Variants in SPDYE3 observed in about 807,000 individuals in gnomAD.
The protein encoded by SPDYE3 is speedy protein E3.
Under a neutral mutation model 55.0 loss-of-function variants are expected in SPDYE3, and 15 were observed. The ratio of observed to expected loss-of-function variants is 0.27; its 90% CI spans 0.18 to 0.42. The LOEUF (loss-of-function observed/expected upper bound fraction) is 0.42, where lower values mean the gene tolerates loss of function less well. SPDYE3 is among the 10% of genes least tolerant of loss of function. SPDYE3 has a pLI of 1.00. For missense variants in SPDYE3, 236 were observed against 576.7 expected (o/e 0.41, Z 6.05); for synonymous variants, 89 against 229.9 (o/e 0.39, Z 5.55).
chr7:100,310,195 G>A (rs1805925991), intron 2 of SPDYE3, among the ~76,000 whole-genome samples, 165 bp from the exon 3 acceptor site: 1 of 134,070 alleles, frequency 7.5e-6, no homozygotes, highest in African/African-American at 2.7e-5. Context: ...GGGAGGGGAA[G>A]GAGTGGCACA....
At position 100,319,747 on chromosome 7, in the gene SPDYE3, G is replaced by A. The variant is rs370742497; in HGVS notation, c.1529G>A (p.Arg510Gln). The A allele has an allele frequency of 2.2e-5, 36 of 1,614,070 alleles. No homozygotes were observed. The highest frequency in any genetic ancestry group is 2.7e-5 in the Non-Finnish European group (32 of 1,180,044). The stretch of plus-strand genomic sequence containing the variant: ...CAGATAGCCTTGTTCCAGAAGCGTC[G>A]GTTCCAGTTCTTCTGTTCCATGCGC... ...CSQIALFQKR[R>Q]FQFFCSMRCR... Residue 510 changes from arginine to glutamine, a missense_variant, in exon 9 of 11, where the codon CGG (arginine) becomes CAG (glutamine). Arg to Gln is a conservative substitution (Grantham distance 43). Coordinates refer to ENST00000332397, the MANE Select transcript of SPDYE3 (RefSeq NM_001004351.5).
In SPDYE3 at chr7:100,313,179, G is replaced by A; in HGVS notation, c.803G>A (p.Gly268Asp). 1 of 1,073,938 alleles carries A rather than the reference G, an allele frequency of 9.3e-7. No homozygotes were observed. Among genetic ancestry groups the A allele is most frequent in the Non-Finnish European group, 1.3e-6 (1 of 760,940 alleles). 66.5% of individuals were successfully genotyped at this position (1,073,938 alleles called of 1,614,324 possible). A position where few individuals can be genotyped will look rare whatever the true frequency, so the allele number is the denominator to read the frequency against. Residue 268 changes from glycine to aspartate, a missense_variant, in exon 5 of 11, where the codon GGC becomes GAC. Physicochemically the swap from Gly to Asp is moderately conservative, Grantham distance 94 (BLOSUM62 -1). Transcript: ENST00000332397. ...CCCAGCCCCCCACGTAGGTCCCTTG[G>A]CTGCAAAAGGAAGAGGGAGTGTTTG... Reference protein sequence around the residue: ...VDPSPPRRSLGCKRKRECLDE... With the variant: ...VDPSPPRRSLDCKRKRECLDE...
intron 4 of SPDYE3, among the ~76,000 whole-genome samples, 154 bp from the exon 5 acceptor site, chr7:100,312,986 T>G (rs1167267184): frequency 6.9e-6 from 1 of 143,970 alleles, no homozygotes; most frequent in African/African-American, 2.6e-5. Flanking sequence ...GAGTGGCACA[T>G]GGGGTTGAGC....
chr7:100,319,780 C>G lies in SPDYE3; in HGVS notation c.1562C>G (p.Ala521Gly), dbSNP rs778924634. ...FQFFCSMRCR[A>G]WVSPEELEEI... ...TTCTTCTGTTCCATGCGCTGCAGGG[C>G]TTGGGTTTCCCCGGAGGAGTTGGAG... Residue 521 changes from alanine to glycine, a missense_variant, in exon 9 of 11, where the codon GCT becomes GGT. Transcript: ENST00000332397. 6.2e-7 allele frequency: 1 copy of G among 1,607,156 alleles called. No homozygotes were observed. The highest frequency in any genetic ancestry group is 8.5e-7 in the Non-Finnish European group (1 of 1,176,590).
intron 8 of SPDYE3, among the ~76,000 whole-genome samples, chr7:100,317,973 C>T (rs867893334): frequency 3.0e-4 from 34 of 114,246 alleles, no homozygotes; most frequent in African/African-American, 1.2e-3. Flanking sequence ...GAGACTCCGT[C>T]TCAAAAAAAA....
In SPDYE3 at chr7:100,308,111, C is replaced by A; in HGVS notation, c.106+120C>A. The A allele has an allele frequency of 2.3e-6, 3 of 1,310,922 alleles. No homozygotes were observed. In the East Asian group the frequency reaches 9.8e-5, roughly 43 times the overall value. 81.2% of individuals were successfully genotyped at this position (1,310,922 alleles called of 1,614,324 possible). On this transcript the variant is annotated intron_variant, in intron 1 of 10. Coordinates refer to ENST00000332397, the MANE Select transcript of SPDYE3 (RefSeq NM_001004351.5). ...TTGGGAGGCCGAGGCGGGCAGATCA[C>A]CTGAGGTCAGCAGTTCAAGACCAGC...
rs1019191478 is a variant in SPDYE3, at chr7:100,318,472, C to A, written c.1347-1093C>A. Among the ~76,000 whole-genome samples, 7 of 152,272 alleles carry A rather than the reference C, an allele frequency of 4.6e-5. No homozygotes were observed. In the East Asian group the frequency reaches 1.4e-3, roughly 29 times the overall value. ...AATGCCCTCCACTTGACTTTGCATT[C>A]GTGTTTTCTGTCTGGGTGTCCCACA... On this transcript the variant is annotated intron_variant, in intron 8 of 10. Coordinates refer to ENST00000332397, the MANE Select transcript of SPDYE3 (RefSeq NM_001004351.5).
At chr7:100,318,059 G>A (rs569918890) in intron 8 of SPDYE3, among the ~76,000 whole-genome samples, 6 of 151,680 alleles carry the variant, frequency 4.0e-5, no homozygotes, top group Admixed American at 2.0e-4. Context: ...GCGGAGGAGC[G>A]GACATGACAC....
At chr7:100,318,606 T>C (rs554564724) in intron 8 of SPDYE3, among the ~76,000 whole-genome samples, 1 of 152,324 alleles carries the variant, frequency 6.6e-6, no homozygotes, top group South Asian at 2.1e-4. Context: ...AGCTCTCCAG[T>C]TACATCCTCT....
chr7:100,320,649 C>A, intron 10 of SPDYE3: 1 of 1,068,818 alleles, frequency 9.4e-7, no homozygotes, highest in Non-Finnish European at 1.2e-6. Context: ...AAAGTCCTCG[C>A]TATGAAGCAG....
In SPDYE3 at chr7:100,307,836, A is replaced by G; in HGVS notation, c.-50A>G. ...AGCAGTGTCCAGAAGAAGACCAAGG[A>G]CAGAACAGAGACTAGCTTCGGTGAG... On this transcript the variant is annotated 5_prime_UTR_variant, in exon 1 of 11. Transcript: ENST00000332397. The G allele has an allele frequency of 6.5e-7, 1 of 1,536,700 alleles. No individual in the cohort carries two copies. Among genetic ancestry groups the G allele is most frequent in the Non-Finnish European group, 8.7e-7 (1 of 1,147,204 alleles).
intron 1 of SPDYE3, among the ~76,000 whole-genome samples, chr7:100,308,213 C>A (rs905645165): frequency 2.6e-5 from 4 of 151,102 alleles, no homozygotes; most frequent in African/African-American, 9.7e-5. Flanking sequence ...TGCCTATAAT[C>A]CCAGCTACTC....
chr7:100,318,094 G>A (rs1001364587), intron 8 of SPDYE3, among the ~76,000 whole-genome samples: 3 of 151,836 alleles, frequency 2.0e-5, no homozygotes, highest in South Asian at 2.1e-4. Context: ...AGACGTTTCC[G>A]GTTCTTCTCT....
At chr7:100,316,954 G>A (rs3991531) in intron 7 of SPDYE3, 116 bp from the exon 8 acceptor site, 15 of 1,457,150 alleles carry the variant, frequency 1.0e-5, no homozygotes, top group Non-Finnish European at 1.3e-5. Context: ...TCACCCCAAT[G>A]CTGAGGTCCC....
Position 100,320,909 on chromosome 7 carries a change from G to C in SPDYE3, c.*64G>C, listed in dbSNP as rs1335852516. On this transcript the variant is annotated 3_prime_UTR_variant, in exon 11 of 11. Transcript: ENST00000332397. ...CTTCCAGAACACCGGACCCAGGGGA[G>C]ATGTGGATTTTCAGCAGGAACTTTA... 4 of 1,233,188 alleles carry C rather than the reference G, an allele frequency of 3.2e-6. No homozygotes were observed. The highest frequency in any genetic ancestry group is 1.1e-6 in the Non-Finnish European group (1 of 914,526). The allele number at this position is 1,233,188 out of a possible 1,614,324, so 76.4% of individuals were successfully genotyped here. A position where few individuals can be genotyped will look rare whatever the true frequency, so the allele number is the denominator to read the frequency against.
rs1176904205 is a variant in SPDYE3, at chr7:100,321,977, A to G, written c.*1132A>G. The G allele has an allele frequency of 6.6e-6, 1 of 151,246 alleles. No homozygotes were observed. Among genetic ancestry groups the G allele is most frequent in the Non-Finnish European group, 1.5e-5 (1 of 67,822 alleles). 9.4% of individuals were successfully genotyped at this position (151,246 alleles called of 1,614,324 possible). The stretch of plus-strand genomic sequence containing the variant: ...ATAAAGCTGTGTGATGGGTATTATA[A>G]CTGTTATATACACATAAATATAATT... On this transcript the variant is annotated 3_prime_UTR_variant, in exon 11 of 11. Transcript: ENST00000332397.
Position 100,315,809 on chromosome 7 carries a change from T to C in SPDYE3, c.1226T>C (p.Leu409Pro), listed in dbSNP as rs755186404. The C allele has an allele frequency of 1.2e-6, 2 of 1,600,106 alleles. No individual in the cohort carries two copies. The highest frequency in any genetic ancestry group is 1.7e-6 in the Non-Finnish European group (2 of 1,179,744). The change falls in exon 7 of 11, where the codon CTG (leucine) becomes CCG (proline). Residue 409 changes from leucine to proline, a missense_variant. Leu to Pro is a moderately conservative substitution (Grantham distance 98). Coordinates refer to ENST00000332397, the MANE Select transcript of SPDYE3 (RefSeq NM_001004351.5). ...LLEDPVIKRF[L>P]AWDKDLRVSD... ...GAGGATCCTGTCATTAAAAGATTCC[T>C]GGCCTGGGACAAAGATCTGAGGGTG... is the stretch of plus-strand genomic sequence containing the variant.
chr7:100,308,209 T>C (rs1282096753), intron 1 of SPDYE3, among the ~76,000 whole-genome samples: 14 of 149,952 alleles, frequency 9.3e-5, no homozygotes, highest in Admixed American at 3.3e-4. Context: ...TGTGTGCCTA[T>C]AATCCCAGCT....
chr7:100,315,921 T>C, intron 7 of SPDYE3, 78 bp downstream of exon 7: 1 of 1,588,500 alleles, frequency 6.3e-7, no homozygotes, highest in East Asian at 2.2e-5. Context: ...AAACCCACAG[T>C]TCTCCCTCCA....
Sources: gnomAD v4.1 joint callset for allele counts (sites outside exome capture counted in the v4.1 genomes callset) on GRCh38, gnomAD v4.1.1 for gene constraint, MANE v1.5 for transcripts, NCBI Gene and HGNC (gene_info 2026-07-23, HGNC 2026-07-21) for gene names.